Variants in HS6ST3 observed in about 807,000 individuals in gnomAD.
HS6ST3 encodes heparan sulfate 6-O-sulfotransferase 3, also known as heparan-sulfate 6-O-sulfotransferase 3.
HS6ST3 carries 12 observed loss-of-function variants against 36.7 expected under a neutral mutation model. The ratio of observed to expected loss-of-function variants is 0.33; its 90% CI spans 0.21 to 0.53. The LOEUF is 0.53. Ranked by LOEUF, HS6ST3 falls within the 20% of genes least tolerant of loss-of-function variation. The pLI is 0.95. For missense variants in HS6ST3, 584 were observed against 640.9 expected, an observed-to-expected ratio of 0.91 and a Z score of 0.96; for synonymous variants, 240 against 257.5, an observed-to-expected ratio of 0.93 and a Z score of 0.65.
At chr13:96,243,013 C>CA (rs1177156868) in intron 1 of HS6ST3, among the ~76,000 whole-genome samples, 1 of 152,026 alleles carries the variant, frequency 6.6e-6, no homozygotes, top group East Asian at 1.9e-4. Flanking sequence ...TTCTTATTTA[C>CA]AAAAAAAGAA....
chr13:96,190,844 T>A (rs913387862), intron 1 of HS6ST3, among the ~76,000 whole-genome samples: 6 of 152,070 alleles, frequency 3.9e-5, no homozygotes, highest in African/African-American at 1.4e-4. Flanking sequence ...AAACTCTACT[T>A]CAGGTACAGG....
intron 1 of HS6ST3, 66 bp from the exon 2 acceptor site, chr13:96,832,424 A>G (rs764379303): frequency 3.3e-6 from 4 of 1,223,218 alleles, no homozygotes; most frequent in Admixed American, 5.4e-5. Flanking sequence ...ATGTAAAATT[A>G]TAAAAATTTA....
intron 1 of HS6ST3, among the ~76,000 whole-genome samples, chr13:96,482,626 C>T (rs1293634623): frequency 6.6e-6 from 1 of 152,034 alleles, no homozygotes; most frequent in African/African-American, 2.4e-5. Context: ...TAGGCCCTGA[C>T]CAGCTTTCAA....
intron 1 of HS6ST3, among the ~76,000 whole-genome samples, chr13:96,122,350 A>C (rs1388702311): frequency 6.6e-6 from 1 of 151,994 alleles, no homozygotes; most frequent in Non-Finnish European, 1.5e-5. Flanking sequence ...ATACAAAGAC[A>C]TGTTCTTCTA....
intron 1 of HS6ST3, among the ~76,000 whole-genome samples, chr13:96,531,416 G>T (rs1594800974): frequency 6.6e-6 from 1 of 152,186 alleles, no homozygotes; most frequent in African/African-American, 2.4e-5. Flanking sequence ...AGTAGTTACT[G>T]TAAGATCATT....
chr13:96,762,651 G>T (rs192896462), intron 1 of HS6ST3, among the ~76,000 whole-genome samples: 11 of 152,240 alleles, frequency 7.2e-5, no homozygotes, highest in Admixed American at 6.5e-4. Flanking sequence ...TGATCTTCAG[G>T]TGTCCTTGCC....
intron 1 of HS6ST3, among the ~76,000 whole-genome samples, chr13:96,322,317 G>A (rs1287815090): frequency 1.3e-5 from 2 of 151,710 alleles, no homozygotes. Context: ...GGCCGAGGCG[G>A]GCGGATCACT....
intron 1 of HS6ST3, among the ~76,000 whole-genome samples, chr13:96,328,495 G>A (rs9554341): frequency 0.36 from 54,159 of 151,292 alleles, 9,920 homozygotes; most frequent in African/African-American, 0.42. Flanking sequence ...ATTGATTTGC[G>A]TATGTTGAAC....
chr13:96,531,222 C>G (rs971056995), intron 1 of HS6ST3, among the ~76,000 whole-genome samples: 1 of 152,130 alleles, frequency 6.6e-6, no homozygotes, highest in African/African-American at 2.4e-5. Context: ...CCCTCTTCCC[C>G]ACCATTTTGC....
At chr13:96,398,977 C>T (rs1385954516) in intron 1 of HS6ST3, among the ~76,000 whole-genome samples, 3 of 152,204 alleles carry the variant, frequency 2.0e-5, no homozygotes, top group South Asian at 4.1e-4. Context: ...GAACAGAATG[C>T]ACCTTGGTTG....
chr13:96,265,376 C>T (rs1035986013), intron 1 of HS6ST3, among the ~76,000 whole-genome samples: 3 of 151,808 alleles, frequency 2.0e-5, no homozygotes, highest in African/African-American at 7.3e-5. Flanking sequence ...GATGGTGTCT[C>T]ATTATGTTTC....
intron 1 of HS6ST3, among the ~76,000 whole-genome samples, chr13:96,818,493 T>C: frequency 6.6e-6 from 1 of 152,206 alleles, no homozygotes; most frequent in Non-Finnish European, 1.5e-5. Flanking sequence ...TGCTTGTTGT[T>C]CCTAGCATGG....
chr13:96,324,165 G>A (rs188821770), intron 1 of HS6ST3, among the ~76,000 whole-genome samples: 2 of 152,144 alleles, frequency 1.3e-5, no homozygotes, highest in Non-Finnish European at 1.5e-5. Flanking sequence ...CACTTAACAG[G>A]CTTCCAGAAG....
intron 1 of HS6ST3, among the ~76,000 whole-genome samples, chr13:96,349,195 G>T (rs1333152675): frequency 6.6e-6 from 1 of 152,152 alleles, no homozygotes; most frequent in Non-Finnish European, 1.5e-5. Flanking sequence ...AACATTTTTG[G>T]ATTAGTGGAG....
chr13:96,217,852 A>C (rs2054434873), intron 1 of HS6ST3, among the ~76,000 whole-genome samples: 1 of 152,208 alleles, frequency 6.6e-6, no homozygotes, highest in Non-Finnish European at 1.5e-5. Flanking sequence ...AGTTAGATAC[A>C]TAAATACATA....
intron 1 of HS6ST3, among the ~76,000 whole-genome samples, chr13:96,628,389 T>C (rs182715016): frequency 9.0e-4 from 137 of 152,152 alleles, no homozygotes; most frequent in African/African-American, 3.2e-3. Context: ...GATACCAATC[T>C]TTTGAAATAT....
chr13:96,439,110 C>T (rs1460363410), intron 1 of HS6ST3, among the ~76,000 whole-genome samples: 1 of 151,908 alleles, frequency 6.6e-6, no homozygotes, highest in East Asian at 1.9e-4. Flanking sequence ...TATGTGGCCG[C>T]TAGAGATCAT....
chr13:96,757,003 A>G (rs535711393), intron 1 of HS6ST3, among the ~76,000 whole-genome samples: 3 of 152,314 alleles, frequency 2.0e-5, no homozygotes, highest in African/African-American at 7.2e-5. Context: ...TCCCAAGGTG[A>G]CAAGGTCTTG....
chr13:96,781,315 C>T (rs1014597048), intron 1 of HS6ST3, among the ~76,000 whole-genome samples: 1 of 152,194 alleles, frequency 6.6e-6, no homozygotes, highest in Admixed American at 6.5e-5. Context: ...AGCCAGGGCA[C>T]GTAGTTGGGT....
Sources: allele counts gnomAD v4.1 joint callset (sites outside exome capture counted in the v4.1 genomes callset), GRCh38; gene constraint gnomAD v4.1.1; transcripts MANE v1.5; gene names NCBI Gene and HGNC (gene_info 2026-07-23, HGNC 2026-07-21).